The following GMEB1 variants were observed in gnomAD, a reference collection of about 807,000 sequenced individuals.
GMEB1 encodes the protein glucocorticoid modulatory element-binding protein 1.
In GMEB1, 6 loss-of-function variants were observed where a neutral mutation model predicts 52.4. That is an observed-to-expected ratio of 0.11 (90% CI 0.06 to 0.23). The LOEUF (loss-of-function observed/expected upper bound fraction) is 0.23. Ranked by LOEUF, GMEB1 falls within the 10% of genes least tolerant of loss-of-function variation. The pLI is 1.00. For missense variants in GMEB1, 486 were observed against 685.6 expected (o/e 0.71, Z 3.25); for synonymous variants, 255 against 244.9 (o/e 1.04, Z -0.38).
rs879212606 is a variant in GMEB1, at chr1:28,690,203, G to GGTTTTTTTTT, written c.211+17_211+18insGTTTTTTTTT. On this transcript the variant is annotated intron_variant, in intron 3 of 9. Coordinates refer to ENST00000373816, the MANE Select transcript of GMEB1 (RefSeq NM_001319674.2). The stretch of plus-strand genomic sequence containing the variant: ...AAGGGATTGGTAAGGGTTTTTTTGT[G>GGTTTTTTTTT]TTTTTTTTTTTTTTTTTTTTTGTCA... 18 of 516,146 alleles carry GGTTTTTTTTT rather than the reference G, an allele frequency of 3.5e-5. No homozygotes were observed. Among genetic ancestry groups the GGTTTTTTTTT allele is most frequent in the Admixed American group, 8.6e-5 (2 of 23,194 alleles). The allele number at this position is 516,146 out of a possible 1,614,324, so 32.0% of individuals were successfully genotyped here.
At chr1:28,701,548 G>A (rs544896009) in intron 6 of GMEB1, among the ~76,000 whole-genome samples, 5 of 151,740 alleles carry the variant, frequency 3.3e-5, no homozygotes, top group East Asian at 1.9e-4. Flanking sequence ...GATTACAGGC[G>A]TGAGCCACTG....
At chr1:28,703,316 A>G (rs1670602653) in intron 7 of GMEB1, among the ~76,000 whole-genome samples, 1 of 152,134 alleles carries the variant, frequency 6.6e-6, no homozygotes, top group Admixed American at 6.6e-5. Flanking sequence ...TTTAATAGGT[A>G]TTTATTATTG....
At chr1:28,670,694 C>T (rs1668843121) in intron 1 of GMEB1, among the ~76,000 whole-genome samples, 1 of 151,796 alleles carries the variant, frequency 6.6e-6, no homozygotes, top group Admixed American at 6.6e-5. Context: ...AGGATGGTTT[C>T]GATCTCCTGA....
At chr1:28,674,595 T>C (rs1669055026) in intron 1 of GMEB1, among the ~76,000 whole-genome samples, 1 of 151,776 alleles carries the variant, frequency 6.6e-6, no homozygotes, top group African/African-American at 2.4e-5. Context: ...GGTTTCTCCA[T>C]GTTTGTCAGG....
intron 1 of GMEB1, among the ~76,000 whole-genome samples, chr1:28,676,466 G>A (rs972694314): frequency 3.3e-5 from 5 of 152,238 alleles, no homozygotes; most frequent in East Asian, 1.9e-4. Context: ...GGTGGCTCAC[G>A]CCTGTAATCC....
chr1:28,700,122 C>T (rs1298779812), intron 6 of GMEB1, among the ~76,000 whole-genome samples: 1 of 150,792 alleles, frequency 6.6e-6, no homozygotes, highest in Admixed American at 6.6e-5. Context: ...ATAATCGCAG[C>T]ACTTTGGGAG....
At chr1:28,692,273 T>TTTAC (rs1670002934) in intron 4 of GMEB1, among the ~76,000 whole-genome samples, 1 of 152,096 alleles carries the variant, frequency 6.6e-6, no homozygotes, top group African/African-American at 2.4e-5. Context: ...GGCTCATGCC[T>TTTAC]GTAATCCCAG....
chr1:28,684,562 CAA>C (rs35899215), intron 2 of GMEB1, among the ~76,000 whole-genome samples: 14 of 102,974 alleles, frequency 1.4e-4, no homozygotes, highest in African/African-American at 2.5e-4. Flanking sequence ...GACTCCATCT[CAA>C]AAAAAAAAAA....
chr1:28,701,331 G>T (rs1422396639), intron 6 of GMEB1, among the ~76,000 whole-genome samples: 1 of 135,588 alleles, frequency 7.4e-6, no homozygotes, highest in Non-Finnish European at 1.5e-5. Context: ...GTCCAGTGGC[G>T]CGATCTCGGC....
chr1:28,696,900 T>A, intron 5 of GMEB1, 27 bp from the exon 6 acceptor site: 2 of 1,573,938 alleles, frequency 1.3e-6, no homozygotes, highest in Non-Finnish European at 1.7e-6. Flanking sequence ...TAGGCTGAAC[T>A]GGTACTTCTT....
At chr1:28,687,391 A>C (rs1175291325) in intron 2 of GMEB1, among the ~76,000 whole-genome samples, 2 of 144,114 alleles carry the variant, frequency 1.4e-5, no homozygotes, top group Admixed American at 1.4e-4. Context: ...CACACACAAA[A>C]AAAGACAGTG....
rs1669486872 is a variant in GMEB1, at chr1:28,683,418, T to G, written c.-30-165T>G. ...AATTTTGTATTTTAGTAGAGACAGA[T>G]TTCTCCATGTTGGTCAGGCTGGTCT... On this transcript the variant is annotated intron_variant, in intron 1 of 9. Transcript: ENST00000373816. 9.8e-6 allele frequency: 5 copies of G among 508,162 alleles called. No homozygotes were observed. The South Asian group carries it at 1.2e-4, about 13-fold the overall frequency. The allele number at this position is 508,162 out of a possible 1,614,324, so 31.5% of individuals were successfully genotyped here.
In GMEB1 at chr1:28,690,199, TTGTG is replaced by T. The variant is rs760114088; in HGVS notation, c.211+15_211+18del. 39 of 1,183,388 alleles carry T rather than the reference TTGTG, an allele frequency of 3.3e-5. No homozygotes were observed. The highest frequency in any genetic ancestry group is 2.4e-4 in the Admixed American group (10 of 42,370). 73.3% of individuals were successfully genotyped at this position (1,183,388 alleles called of 1,614,324 possible). A position where few individuals can be genotyped will look rare whatever the true frequency, so the allele number is the denominator to read the frequency against. On this transcript the variant is annotated intron_variant, in intron 3 of 9. Coordinates refer to ENST00000373816, the MANE Select transcript of GMEB1 (RefSeq NM_001319674.2). ...GAAGAAGGGATTGGTAAGGGTTTTT[TTGTG>T]TTTTTTTTTTTTTTTTTTTTTGTCA... is the stretch of plus-strand genomic sequence containing the variant.
chr1:28,684,289 T>C (rs10157207), intron 2 of GMEB1, among the ~76,000 whole-genome samples: 59,015 of 151,938 alleles, frequency 0.39, 12,816 homozygotes, highest in East Asian at 0.77. Flanking sequence ...CCTGGCCGGG[T>C]GCAGTGGCTC....
intron 5 of GMEB1, among the ~76,000 whole-genome samples, chr1:28,696,044 GTTTGTTTATTTA>G (rs1345753188): frequency 1.1e-3 from 59 of 54,674 alleles, no homozygotes; most frequent in South Asian, 7.7e-3. Context: ...TATTTTTATT[GTTTGTTTATTTA>G]TTTATTTATT....
intron 2 of GMEB1, among the ~76,000 whole-genome samples, chr1:28,688,441 C>G (rs910464895): frequency 1.3e-5 from 2 of 151,906 alleles, no homozygotes; most frequent in African/African-American, 4.8e-5. Flanking sequence ...TAACAAGATG[C>G]AATAATTAGC....
In GMEB1 at chr1:28,694,928, T is replaced by C. The variant is rs192009160; in HGVS notation, c.440+1883T>C. The stretch of plus-strand genomic sequence containing the variant: ...CTGCCCACCTCAGCCTCCCAAAGTG[T>C]GGGGATTACAGGCGTGAGCCACCGT... On this transcript the variant is annotated intron_variant, in intron 5 of 9. Coordinates refer to ENST00000373816, the MANE Select transcript of GMEB1 (RefSeq NM_001319674.2). 3.3e-3 allele frequency among the ~76,000 whole-genome samples: 478 copies of C among 144,174 alleles called. 4 individuals are homozygous for C. Among genetic ancestry groups the C allele is most frequent in the African/African-American group, 0.012 (463 of 38,702 alleles). 94.6% of individuals were successfully genotyped at this position (144,174 alleles called of 152,430 possible). A position where few individuals can be genotyped will look rare whatever the true frequency, so the allele number is the denominator to read the frequency against.
At chr1:28,711,908 A>G (rs1203590871) in intron 9 of GMEB1, among the ~76,000 whole-genome samples, 4 of 152,218 alleles carry the variant, frequency 2.6e-5, no homozygotes, top group Admixed American at 2.6e-4. Context: ...TTCTGATACT[A>G]TCCCCCTGGA....
chr1:28,687,763 A>G (rs957892326), intron 2 of GMEB1, among the ~76,000 whole-genome samples: 1 of 152,004 alleles, frequency 6.6e-6, no homozygotes, highest in Non-Finnish European at 1.5e-5. Context: ...GGATAGTGTT[A>G]AAGTGATGCA....
Sources: gnomAD v4.1 joint callset for allele counts (sites outside exome capture counted in the v4.1 genomes callset) on GRCh38, gnomAD v4.1.1 for gene constraint, MANE v1.5 for transcripts, NCBI Gene and HGNC (gene_info 2026-07-23, HGNC 2026-07-21) for gene names.